The following PDE1C variants were observed in gnomAD, a reference collection of about 807,000 sequenced individuals.
The protein encoded by PDE1C is dual specificity calcium/calmodulin-dependent 3',5'-cyclic nucleotide phosphodiesterase 1C.
Under a neutral mutation model 93.1 loss-of-function variants are expected in PDE1C, and 62 were observed. The observed-to-expected ratio is 0.67, with a 90% CI of 0.54 to 0.82. PDE1C has a LOEUF of 0.82. Among genes scored for constraint, PDE1C ranks in the 40% least tolerant of loss-of-function variants. The probability of loss-of-function intolerance (pLI) is 0.00; values close to 1 mark genes in which losing one functional copy is unlikely to be tolerated. For synonymous variants in PDE1C, 325 were observed against 310.1 expected (o/e 1.05, Z -0.50); for missense variants, 742 against 884.6 (o/e 0.84, Z 2.04).
At chr7:31,731,555 A>G in the PDE1C span, among the ~76,000 whole-genome samples, 8 of 152,144 alleles carry the variant, frequency 5.3e-5, no homozygotes, top group African/African-American at 1.9e-4. Flanking sequence ...TAGCCTGGCT[A>G]ATTTTTGTAT....
intron 2 of PDE1C, among the ~76,000 whole-genome samples, chr7:31,958,138 CT>C (rs777600611): frequency 8.1e-4 from 124 of 152,264 alleles, no homozygotes; most frequent in Non-Finnish European, 1.3e-3. Context: ...AGTAAATTAC[CT>C]TTCATTCATG....
chr7:32,207,564 C>T (rs1354557732), intron 2 of PDE1C, among the ~76,000 whole-genome samples: 2 of 152,190 alleles, frequency 1.3e-5, no homozygotes, highest in South Asian at 2.1e-4. Context: ...TAGTAGCTCA[C>T]GTGCCATCTG....
the PDE1C span, among the ~76,000 whole-genome samples, chr7:31,640,858 ATC>A: frequency 6.6e-6 from 1 of 152,090 alleles, no homozygotes; most frequent in Admixed American, 6.5e-5. Flanking sequence ...AAGTTTCTCA[ATC>A]TCTCTAGGAT....
chr7:31,971,542 C>A (rs530534956), intron 2 of PDE1C, among the ~76,000 whole-genome samples: 79 of 152,284 alleles, frequency 5.2e-4, no homozygotes, highest in African/African-American at 1.9e-3. Context: ...TGACAGCCCT[C>A]ACTATTACGG....
At chr7:31,725,799 A>G in the PDE1C span, among the ~76,000 whole-genome samples, 1 of 152,316 alleles carries the variant, frequency 6.6e-6, no homozygotes, top group Non-Finnish European at 1.5e-5. Flanking sequence ...TTTAAAAAGG[A>G]TGGGAGATAA....
chr7:31,707,939 A>G, the PDE1C span: 2 of 152,178 alleles, frequency 1.3e-5, no homozygotes, highest in African/African-American at 4.8e-5. Flanking sequence ...AAGCTTAGCA[A>G]TGTATCTTCA....
At chr7:32,092,276 T>C (rs1464428582) in intron 3 of PDE1C, among the ~76,000 whole-genome samples, 3 of 152,124 alleles carry the variant, frequency 2.0e-5, no homozygotes, top group African/African-American at 4.8e-5. Context: ...GTGAGTAAAG[T>C]GTGTGCTTTG....
intron 1 of PDE1C, among the ~76,000 whole-genome samples, chr7:32,241,890 G>T (rs1483790510): frequency 6.6e-6 from 1 of 152,190 alleles, no homozygotes; most frequent in African/African-American, 2.4e-5. Context: ...TGTGAGTGCA[G>T]ATGCAGGGAG....
intron 2 of PDE1C, among the ~76,000 whole-genome samples, chr7:31,936,214 A>T (rs987021008): frequency 1.3e-5 from 2 of 152,186 alleles, no homozygotes; most frequent in African/African-American, 4.8e-5. Context: ...AGTCATTATT[A>T]AGCAGGGAAT....
At chr7:31,695,561 G>A in the PDE1C span, 1 of 1,613,446 alleles carries the variant, frequency 6.2e-7, no homozygotes, top group Non-Finnish European at 8.5e-7. Flanking sequence ...TGTTGAGTCA[G>A]ACCAAAAAAA....
intron 1 of PDE1C, among the ~76,000 whole-genome samples, chr7:32,212,994 C>A (rs1255322602): frequency 6.6e-6 from 1 of 152,160 alleles, no homozygotes; most frequent in African/African-American, 2.4e-5. Context: ...AAAGCTACCC[C>A]ACCCAAGGCA....
At chr7:31,617,038 G>T in the PDE1C span, among the ~76,000 whole-genome samples, 58 of 152,244 alleles carry the variant, frequency 3.8e-4, no homozygotes, top group African/African-American at 1.3e-3. Context: ...ACTGCTCCTA[G>T]GCACCACAGC....
At chr7:32,025,252 T>C (rs1316950534) in intron 2 of PDE1C, among the ~76,000 whole-genome samples, 1 of 152,072 alleles carries the variant, frequency 6.6e-6, no homozygotes, top group Middle Eastern at 3.2e-3. Flanking sequence ...TTACATTAAT[T>C]TGTTTGGCAG....
chr7:32,010,100 AATCT>A (rs1361395351), intron 2 of PDE1C, among the ~76,000 whole-genome samples: 1 of 152,216 alleles, frequency 6.6e-6, no homozygotes, highest in East Asian at 1.9e-4. Context: ...TATCTCCTCA[AATCT>A]ATCTATGATT....
chr7:31,799,204 C>T (rs1176798454), intron 16 of PDE1C, among the ~76,000 whole-genome samples: 3 of 151,664 alleles, frequency 2.0e-5, no homozygotes, highest in African/African-American at 7.3e-5. Context: ...CTAGTAAAGA[C>T]ATACATGTGT....
intron 5 of PDE1C, among the ~76,000 whole-genome samples, chr7:31,873,854 C>T (rs1035093368): frequency 2.0e-5 from 3 of 152,138 alleles, no homozygotes; most frequent in Non-Finnish European, 4.4e-5. Context: ...TTCCATTAAG[C>T]CCTGCAGCTG....
the PDE1C span, among the ~76,000 whole-genome samples, chr7:31,730,779 C>T: frequency 1.3e-5 from 2 of 151,768 alleles, no homozygotes; most frequent in East Asian, 3.9e-4. Flanking sequence ...ACAGAAGTCA[C>T]ACATGAGATA....
At position 32,028,636 on chromosome 7, in the gene PDE1C, T is replaced by C. The variant is rs542266847; in HGVS notation, c.128+22918A>G. Among the ~76,000 whole-genome samples the C allele has an allele frequency of 4.3e-3, 661 of 152,270 alleles. 3 individuals carry two copies. Among genetic ancestry groups the C allele is most frequent in the Non-Finnish European group, 7.6e-3 (519 of 68,012 alleles). ...GTGATGTTATAATTTATGAAAACAA[T>C]GTGGAATAATTAAATCAAGCTAGTT... On this transcript the variant is annotated intron_variant, in intron 2 of 17. Transcript: ENST00000396191.
intron 1 of PDE1C, among the ~76,000 whole-genome samples, chr7:32,361,858 T>TA (rs1448601609): frequency 6.6e-6 from 1 of 152,172 alleles, no homozygotes; most frequent in Non-Finnish European, 1.5e-5. Context: ...ATTCACTGGA[T>TA]AAAAAAGTAA....
Sources: allele counts gnomAD v4.1 joint callset (sites outside exome capture counted in the v4.1 genomes callset), GRCh38; gene constraint gnomAD v4.1.1; transcripts MANE v1.5; gene names NCBI Gene and HGNC (gene_info 2026-07-23, HGNC 2026-07-21).